NALF1: variants seen among roughly 807,000 people sequenced by gnomAD.
The protein encoded by NALF1 is family with sequence similarity 155 member A.
Under a neutral mutation model 48.4 loss-of-function variants are expected in NALF1, and 3 were observed. That is an observed-to-expected ratio of 0.06 (90% CI 0.03 to 0.16). The LOEUF (loss-of-function observed/expected upper bound fraction) is 0.16. NALF1 is among the 10% of genes least tolerant of loss of function. The pLI is 1.00. For synonymous variants in NALF1, 262 were observed against 245.7 expected, an observed-to-expected ratio of 1.07 and a Z score of -0.62; for missense variants, 526 against 571.5, an observed-to-expected ratio of 0.92 and a Z score of 0.81.
chr13:107,777,138 A>G (rs147841717), intron 1 of NALF1, among the ~76,000 whole-genome samples: 15 of 152,278 alleles, frequency 9.9e-5, no homozygotes, highest in South Asian at 4.1e-4. Flanking sequence ...TGATATTTCT[A>G]TATCTGGCAA....
chr13:107,456,456 T>G (rs2274041), intron 1 of NALF1, among the ~76,000 whole-genome samples: 41,301 of 152,090 alleles, frequency 0.27, 6,409 homozygotes, highest in Non-Finnish European at 0.34. Context: ...AATCATATCA[T>G]ATCTCAATGA....
At chr13:107,325,887 T>TACACACACACAC (rs1555332567) in intron 1 of NALF1, among the ~76,000 whole-genome samples, 2 of 58,912 alleles carry the variant, frequency 3.4e-5, no homozygotes, top group East Asian at 4.7e-4. Flanking sequence ...TATATATATA[T>TACACACACACAC]ACACACACAC....
intron 2 of NALF1, among the ~76,000 whole-genome samples, chr13:107,209,560 C>T (rs971350312): frequency 6.6e-6 from 1 of 151,888 alleles, no homozygotes; most frequent in Non-Finnish European, 1.5e-5. Flanking sequence ...CAGACTATCT[C>T]TTGATAGCTT....
chr13:107,463,314 G>T (rs553034195), intron 1 of NALF1, among the ~76,000 whole-genome samples: 18 of 152,292 alleles, frequency 1.2e-4, no homozygotes, highest in Non-Finnish European at 2.4e-4. Flanking sequence ...TCCAAGCTAT[G>T]TCTGTTAGAC....
intron 1 of NALF1, among the ~76,000 whole-genome samples, chr13:107,278,070 T>C (rs2138869952): frequency 6.6e-6 from 1 of 152,322 alleles, no homozygotes; most frequent in South Asian, 2.1e-4. Flanking sequence ...TTCTACAGGA[T>C]GTTCAGACAT....
At chr13:107,315,605 T>G (rs910674651) in intron 1 of NALF1, among the ~76,000 whole-genome samples, 1 of 152,102 alleles carries the variant, frequency 6.6e-6, no homozygotes, top group African/African-American at 2.4e-5. Flanking sequence ...TTTTTTGATT[T>G]TCTTTTGAGT....
intron 1 of NALF1, among the ~76,000 whole-genome samples, chr13:107,758,747 A>G (rs1877187730): frequency 6.6e-6 from 1 of 152,174 alleles, no homozygotes; most frequent in Admixed American, 6.5e-5. Context: ...AAGAAAAAGA[A>G]AAGCACGTAT....
rs1375406037 is a variant in NALF1 at position 107,168,875 on chromosome 13, T to C, written c.*1622A>G. The C allele has an allele frequency of 6.6e-6, 1 of 152,630 alleles. No homozygotes were observed. Among genetic ancestry groups the C allele is most frequent in the Non-Finnish European group, 1.5e-5 (1 of 68,032 alleles). 9.5% of individuals were successfully genotyped at this position (152,630 alleles called of 1,614,324 possible). ...TTGTTCACTAAGAGGACCTTTTCTA[T>C]GGATTTCCTTCATCTCTCAGTCACA... is the stretch of plus-strand genomic sequence containing the variant. On this transcript the variant is annotated 3_prime_UTR_variant, in exon 3 of 3. Coordinates refer to ENST00000375915, the MANE Select transcript of NALF1 (RefSeq NM_001080396.3).
rs143290264 is a variant in NALF1 at position 107,620,098 on chromosome 13, T to C, written c.915+245584A>G. On this transcript the variant is annotated intron_variant, in intron 1 of 2. Coordinates refer to ENST00000375915, the MANE Select transcript of NALF1 (RefSeq NM_001080396.3). Reference sequence around the variant, plus strand: ...GCCTTTTAAACTGAATAATCCCTAATTGTGATGTTTGAAACCTGTTTCAAA... The same window carrying C: ...GCCTTTTAAACTGAATAATCCCTAACTGTGATGTTTGAAACCTGTTTCAAA... 3.3e-5 allele frequency among the ~76,000 whole-genome samples: 5 copies of C among 152,270 alleles called. No individual in the cohort carries two copies. In the East Asian group the frequency reaches 7.7e-4, roughly 24 times the overall value.
chr13:107,678,050 TTTC>T, intron 1 of NALF1, among the ~76,000 whole-genome samples: 1 of 152,350 alleles, frequency 6.6e-6, no homozygotes, highest in East Asian at 1.9e-4. Context: ...TATTTTTGGA[TTTC>T]TTAATAACCA....
chr13:107,315,375 G>T (rs1008611529), intron 1 of NALF1, among the ~76,000 whole-genome samples: 11 of 152,006 alleles, frequency 7.2e-5, no homozygotes, highest in African/African-American at 2.4e-4. Flanking sequence ...AACTCACTTT[G>T]TTAAAACGCT....
intron 1 of NALF1, among the ~76,000 whole-genome samples, chr13:107,455,837 C>T (rs1374363419): frequency 6.6e-6 from 1 of 151,674 alleles, no homozygotes; most frequent in African/African-American, 2.4e-5. Flanking sequence ...CAATCTTCCC[C>T]TGTGTCTTTT....
intron 1 of NALF1, among the ~76,000 whole-genome samples, chr13:107,666,228 C>T (rs1055308876): frequency 6.6e-6 from 1 of 152,058 alleles, no homozygotes. Context: ...TTCATTGACC[C>T]TCTAGAAAGT....
intron 1 of NALF1, among the ~76,000 whole-genome samples, chr13:107,345,877 A>G (rs1190987828): frequency 6.6e-6 from 1 of 152,196 alleles, no homozygotes; most frequent in Non-Finnish European, 1.5e-5. Context: ...TCCAGAACTT[A>G]CAAAAAGATC....
chr13:107,741,008 T>C (rs143965852), intron 1 of NALF1, among the ~76,000 whole-genome samples: 1 of 152,368 alleles, frequency 6.6e-6, no homozygotes, highest in East Asian at 1.9e-4. Flanking sequence ...ATTCATTTAT[T>C]CAATACACAT....
intron 1 of NALF1, among the ~76,000 whole-genome samples, chr13:107,636,481 C>A (rs1879979963): frequency 6.6e-6 from 1 of 152,102 alleles, no homozygotes; most frequent in African/African-American, 2.4e-5. Flanking sequence ...TAACATTTAA[C>A]CATTTATTTT....
chr13:107,257,772 T>C (rs979038655), intron 1 of NALF1, among the ~76,000 whole-genome samples: 1 of 151,990 alleles, frequency 6.6e-6, no homozygotes, highest in Admixed American at 6.6e-5. Context: ...GTAGGGACTG[T>C]GATGGTGGTG....
At position 107,805,650 on chromosome 13, in the gene NALF1, T is replaced by C. The variant is rs547592438; in HGVS notation, c.915+60032A>G. ...TGTCTAACTTACATGAGTAAATAAA[T>C]ATTAAATTGAGAAATGGGATGCTTT... is the stretch of plus-strand genomic sequence containing the variant. On this transcript the variant is annotated intron_variant, in intron 1 of 2. Coordinates refer to ENST00000375915, the MANE Select transcript of NALF1 (RefSeq NM_001080396.3). Among the ~76,000 whole-genome samples, 424 of 152,296 alleles carry C rather than the reference T, an allele frequency of 2.8e-3. 1 individual carries two copies. The highest frequency in any genetic ancestry group is 9.6e-3 in the African/African-American group (397 of 41,560).
Position 107,446,435 on chromosome 13 carries a change from A to AC in NALF1, c.916-235681_916-235680insG, listed in dbSNP as rs66778475. Among the ~76,000 whole-genome samples the AC allele has an allele frequency of 6.8e-3, 1,033 of 151,598 alleles. 8 individuals are homozygous for AC. The highest frequency in any genetic ancestry group is 0.01 in the South Asian group (49 of 4,786). ...CACACACACACACACACACACACAC[A>AC]TATTTTTACTAAATTGGAATTACAC... On this transcript the variant is annotated intron_variant, in intron 1 of 2. Transcript: ENST00000375915.
Sources: allele counts gnomAD v4.1 joint callset (sites outside exome capture counted in the v4.1 genomes callset), GRCh38; gene constraint gnomAD v4.1.1; transcripts MANE v1.5; gene names NCBI Gene and HGNC (gene_info 2026-07-23, HGNC 2026-07-21).